FOCAD: variants seen among roughly 807,000 people sequenced by gnomAD.
The protein encoded by FOCAD is focadhesin.
In FOCAD, 198 loss-of-function variants were observed where a neutral mutation model predicts 225.6. The ratio of observed to expected loss-of-function variants is 0.88; its 90% confidence interval spans 0.78 to 0.99. The LOEUF is 0.99. Ranked by LOEUF, FOCAD falls within the 50% of genes least tolerant of loss-of-function variation. FOCAD has a pLI of 0.00. For synonymous variants in FOCAD, 897 were observed against 755.0 expected (o/e 1.19, Z -3.08); for missense variants, 2,713 against 2,123.6 (o/e 1.28, Z -5.46).
intron 4 of FOCAD, among the ~76,000 whole-genome samples, chr9:20,733,332 C>A (rs1009378342): frequency 6.6e-6 from 1 of 152,094 alleles, no homozygotes; most frequent in Non-Finnish European, 1.5e-5. Flanking sequence ...ACTGTCTATC[C>A]AGGAGATCAC....
At chr9:20,916,504 C>A (rs1269567146) in intron 23 of FOCAD, among the ~76,000 whole-genome samples, 1 of 152,150 alleles carries the variant, frequency 6.6e-6, no homozygotes, top group Non-Finnish European at 1.5e-5. Context: ...CTTCTAAATG[C>A]CACCACATTG....
intron 5 of FOCAD, among the ~76,000 whole-genome samples, chr9:20,749,526 TA>T (rs1402470039): frequency 6.6e-5 from 10 of 152,168 alleles, no homozygotes; most frequent in Non-Finnish European, 2.9e-5. Context: ...ATCTGCAGAT[TA>T]AAAAAATCTC....
chr9:20,851,506 T>C (rs1827653981), intron 15 of FOCAD, among the ~76,000 whole-genome samples: 1 of 151,828 alleles, frequency 6.6e-6, no homozygotes, highest in South Asian at 2.1e-4. Context: ...CCAGGGCTTA[T>C]TGCTGTCACA....
chr9:20,778,735 C>G lies in FOCAD; in HGVS notation c.961C>G (p.Pro321Ala). 6.2e-7 allele frequency: 1 copy of G among 1,611,892 alleles called. No homozygotes were observed. Among genetic ancestry groups the G allele is most frequent in the Non-Finnish European group, 8.5e-7 (1 of 1,178,564 alleles). ...IGIALLLLQT[P>A]ASQQKPILNL... Reference sequence around the variant, plus strand: ...AATAGCTTTACTACTTCTACAGACTCCAGCAAGTCAGCAGAAGCCAATCTT... The same window carrying G: ...AATAGCTTTACTACTTCTACAGACTGCAGCAAGTCAGCAGAAGCCAATCTT... The change falls in exon 9 of 44, where the codon CCA becomes GCA. Residue 321 changes from proline (P) to alanine (A), a missense_variant. Physicochemically the swap from Pro to Ala is conservative, Grantham distance 27. Coordinates refer to ENST00000338382, the MANE Select transcript of FOCAD (RefSeq NM_001375567.1).
intron 1 of FOCAD, among the ~76,000 whole-genome samples, chr9:20,702,014 G>A (rs1280880097): frequency 6.6e-6 from 1 of 152,024 alleles, no homozygotes; most frequent in African/African-American, 2.4e-5. Context: ...TTTAAAAACC[G>A]TTTGCTATGT....
chr9:20,766,107 C>T (rs1340964910), intron 7 of FOCAD, among the ~76,000 whole-genome samples: 2 of 152,156 alleles, frequency 1.3e-5, no homozygotes, highest in African/African-American at 4.8e-5. Context: ...ACATTTTTCA[C>T]GTCATGGCTG....
chr9:20,846,254 T>C (rs991508459), intron 15 of FOCAD, among the ~76,000 whole-genome samples: 10 of 152,258 alleles, frequency 6.6e-5, no homozygotes, highest in African/African-American at 2.4e-4. Context: ...TATTTCTGTG[T>C]GAAGTTTTTG....
At chr9:20,832,186 T>G (rs1263435591) in intron 15 of FOCAD, among the ~76,000 whole-genome samples, 2 of 152,048 alleles carry the variant, frequency 1.3e-5, no homozygotes, top group Non-Finnish European at 2.9e-5. Context: ...TTCATCCTTT[T>G]TTTGGTGTAT....
At chr9:20,893,444 A>G (rs1215716699) in intron 21 of FOCAD, among the ~76,000 whole-genome samples, 1 of 152,114 alleles carries the variant, frequency 6.6e-6, no homozygotes, top group East Asian at 1.9e-4. Flanking sequence ...CTACTATTAA[A>G]TTAGTGATAA....
intron 2 of FOCAD, among the ~76,000 whole-genome samples, chr9:20,674,572 A>C (rs908460220): frequency 3.3e-5 from 5 of 152,240 alleles, no homozygotes; most frequent in Admixed American, 6.5e-5. Flanking sequence ...CCTTGCTGAG[A>C]GCACATCTTT....
At chr9:20,931,341 A>G (rs13288146) in intron 27 of FOCAD, among the ~76,000 whole-genome samples, 1 of 152,170 alleles carries the variant, frequency 6.6e-6, no homozygotes, top group Non-Finnish European at 1.5e-5. Flanking sequence ...TGTGTTTGAT[A>G]GCATCCTCCT....
chr9:20,930,831 A>G (rs1241593749), intron 27 of FOCAD, among the ~76,000 whole-genome samples: 3 of 152,236 alleles, frequency 2.0e-5, no homozygotes, highest in African/African-American at 7.2e-5. Flanking sequence ...TGCCCTTTGC[A>G]TGTGATTTGA....
intron 1 of FOCAD, among the ~76,000 whole-genome samples, chr9:20,697,258 C>G (rs1823454002): frequency 6.6e-6 from 1 of 152,162 alleles, no homozygotes; most frequent in South Asian, 2.1e-4. Flanking sequence ...ACTGGTCCGT[C>G]TCTTTTTCTT....
chr9:20,783,807 G>C (rs1218762281), intron 10 of FOCAD, among the ~76,000 whole-genome samples: 2 of 152,174 alleles, frequency 1.3e-5, no homozygotes, highest in South Asian at 2.1e-4. Flanking sequence ...ACTCCCGCAA[G>C]AGAATGTGGG....
intron 21 of FOCAD, among the ~76,000 whole-genome samples, chr9:20,896,701 T>G (rs2131947380): frequency 6.6e-6 from 1 of 152,014 alleles, no homozygotes; most frequent in African/African-American, 2.4e-5. Context: ...CCAGAGAGTC[T>G]GTAGTGATAT....
chr9:20,770,112 C>G lies in FOCAD; in HGVS notation c.780C>G (p.Phe260Leu). ...VCLSLLRHPV[F>L]WKIQLTQMSL... Reference sequence around the variant, plus strand: ...TAAGCCTTTTGCGTCATCCTGTTTTCTGGAAAATTCAGCTTACCCAGATGA... The same window carrying G: ...TAAGCCTTTTGCGTCATCCTGTTTTGTGGAAAATTCAGCTTACCCAGATGA... Residue 260 changes from phenylalanine to leucine, a missense_variant, in exon 8 of 44, where the codon TTC becomes TTG. Phe to Leu is a conservative substitution (Grantham distance 22). Transcript: ENST00000338382. The G allele has an allele frequency of 6.2e-7, 1 of 1,614,038 alleles. No homozygotes were observed. The highest frequency in any genetic ancestry group is 8.5e-7 in the Non-Finnish European group (1 of 1,179,994).
At chr9:20,692,421 C>T (rs1485203718) in intron 1 of FOCAD, among the ~76,000 whole-genome samples, 2 of 152,146 alleles carry the variant, frequency 1.3e-5, no homozygotes, top group Non-Finnish European at 2.9e-5. Flanking sequence ...CTAGTCTAAG[C>T]CCCCGTTGTT....
intron 15 of FOCAD, among the ~76,000 whole-genome samples, chr9:20,850,017 C>A (rs939789114): frequency 5.9e-5 from 9 of 151,612 alleles, no homozygotes; most frequent in African/African-American, 9.7e-5. Context: ...ATTTTTTAAA[C>A]CTTTTATGTT....
At chr9:20,835,690 G>C (rs1233981341) in intron 15 of FOCAD, among the ~76,000 whole-genome samples, 1 of 152,098 alleles carries the variant, frequency 6.6e-6, no homozygotes, top group Non-Finnish European at 1.5e-5. Context: ...CTGAAAGAGA[G>C]AGATTAACTT....
Sources: allele counts gnomAD v4.1 joint callset (sites outside exome capture counted in the v4.1 genomes callset), GRCh38; gene constraint gnomAD v4.1.1; transcripts MANE v1.5; gene names NCBI Gene and HGNC (gene_info 2026-07-23, HGNC 2026-07-21).